PRKCE: variants seen among roughly 807,000 people sequenced by gnomAD.
PRKCE encodes the protein protein kinase C epsilon.
Under a neutral mutation model 85.4 loss-of-function variants are expected in PRKCE, and 16 were observed. The observed-to-expected ratio is 0.19, with a 90% CI of 0.13 to 0.28. PRKCE has a LOEUF of 0.28. Ranked by LOEUF, PRKCE falls within the 10% of genes least tolerant of loss-of-function variation. The pLI is 1.00. For missense variants in PRKCE, 573 were observed against 975.2 expected, an observed-to-expected ratio of 0.59 and a Z score of 5.49; for synonymous variants, 388 against 371.5, an observed-to-expected ratio of 1.04 and a Z score of -0.51.
At chr2:45,758,584 A>G (rs1026295840) in intron 1 of PRKCE, among the ~76,000 whole-genome samples, 5 of 152,192 alleles carry the variant, frequency 3.3e-5, no homozygotes, top group Non-Finnish European at 7.4e-5. Context: ...TTACCCCATC[A>G]GAGAGGCCTT....
intron 1 of PRKCE, among the ~76,000 whole-genome samples, chr2:45,808,654 C>T (rs1462469263): frequency 2.0e-5 from 3 of 151,992 alleles, no homozygotes; most frequent in Admixed American, 1.3e-4. Context: ...GGTGGGAGGG[C>T]TGTCTCTGCA....
rs201731045 is a variant in PRKCE at position 45,980,393 on chromosome 2, T to C, written c.693+12T>C. On this transcript the variant is annotated intron_variant, in intron 5 of 14. Transcript: ENST00000306156. ...AGACCCCCGACCAGGTAAGTGTTGG[T>C]GACACGGAAATTCTGGGCTTCTTCA... 2.2e-4 allele frequency: 357 copies of C among 1,599,436 alleles called. 3 individuals are homozygous for C. In the African/African-American group the frequency reaches 4.1e-3, roughly 19 times the overall value.
At chr2:45,739,117 C>T (rs371705233) in intron 1 of PRKCE, among the ~76,000 whole-genome samples, 1 of 152,200 alleles carries the variant, frequency 6.6e-6, no homozygotes, top group Non-Finnish European at 1.5e-5. Context: ...CAAATGGCCA[C>T]CAGCCTCTCC....
At chr2:45,953,721 G>A (rs900857281) in intron 2 of PRKCE, among the ~76,000 whole-genome samples, 1 of 152,092 alleles carries the variant, frequency 6.6e-6, no homozygotes. Flanking sequence ...TTTAAGAAAA[G>A]TACCAGTGCC....
At chr2:45,707,705 A>C (rs1457519052) in intron 1 of PRKCE, among the ~76,000 whole-genome samples, 1 of 152,226 alleles carries the variant, frequency 6.6e-6, no homozygotes, top group Non-Finnish European at 1.5e-5. Flanking sequence ...GTGGCTTCTC[A>C]TGTCTGTGGG....
chr2:45,829,400 G>A (rs987308124), intron 1 of PRKCE, among the ~76,000 whole-genome samples: 4 of 152,078 alleles, frequency 2.6e-5, no homozygotes, highest in Admixed American at 1.3e-4. Flanking sequence ...ATGAGTTTTG[G>A]GGTTTTTGTT....
intron 2 of PRKCE, among the ~76,000 whole-genome samples, chr2:45,878,612 G>C (rs1412484779): frequency 6.6e-6 from 1 of 152,182 alleles, no homozygotes; most frequent in African/African-American, 2.4e-5. Flanking sequence ...CTGCGTTAAA[G>C]AAGATTTTTA....
chr2:46,146,221 A>G (rs1299336794), intron 12 of PRKCE, among the ~76,000 whole-genome samples: 1 of 152,272 alleles, frequency 6.6e-6, no homozygotes, highest in African/African-American at 2.4e-5. Flanking sequence ...ATGGCCTGTC[A>G]TAGACAATCA....
chr2:46,023,089 CAAAA>C (rs397984467), intron 10 of PRKCE, among the ~76,000 whole-genome samples: 48 of 71,508 alleles, frequency 6.7e-4, no homozygotes, highest in South Asian at 3.1e-3. Context: ...GACTCCGTCT[CAAAA>C]AAAAAAAAAA....
chr2:46,014,601 A>T (rs116794723), intron 10 of PRKCE, among the ~76,000 whole-genome samples: 1,666 of 152,334 alleles, frequency 0.011, 37 homozygotes, highest in African/African-American at 0.038. Context: ...GTTTCTTGCT[A>T]TAAAAAAATT....
intron 11 of PRKCE, among the ~76,000 whole-genome samples, chr2:46,118,410 G>T (rs1020623662): frequency 6.6e-6 from 1 of 152,176 alleles, no homozygotes; most frequent in African/African-American, 2.4e-5. Flanking sequence ...TTTTCCAAAG[G>T]TTTGAAAAAG....
chr2:45,711,050 C>A (rs72884474), intron 1 of PRKCE, among the ~76,000 whole-genome samples: 3,395 of 152,330 alleles, frequency 0.022, 126 homozygotes, highest in African/African-American at 0.078. Context: ...CCCTGTCCCC[C>A]TCCCTGTGGT....
intron 1 of PRKCE, among the ~76,000 whole-genome samples, chr2:45,751,809 ATTTTTTTTTTTT>A (rs34589907): frequency 1.3e-5 from 1 of 78,506 alleles, no homozygotes; most frequent in Admixed American, 1.6e-4. Flanking sequence ...GCTAACCACT[ATTTTTTTTTTTT>A]TTTTTTTTTT....
At chr2:45,832,734 T>C (rs1241497848) in intron 1 of PRKCE, among the ~76,000 whole-genome samples, 2 of 152,158 alleles carry the variant, frequency 1.3e-5, no homozygotes, top group Non-Finnish European at 2.9e-5. Context: ...AAGGTACCTA[T>C]TGGAAGCATT....
Position 46,129,212 on chromosome 2 carries a change from G to A in PRKCE, c.1593-15881G>A, listed in dbSNP as rs56038140. Among the ~76,000 whole-genome samples the A allele has an allele frequency of 9.5e-3, 1,443 of 152,284 alleles. 22 individuals carry two copies. The highest frequency in any genetic ancestry group is 0.032 in the African/African-American group (1,343 of 41,554). On this transcript the variant is annotated intron_variant, in intron 11 of 14. Coordinates refer to ENST00000306156, the MANE Select transcript of PRKCE (RefSeq NM_005400.3). The stretch of plus-strand genomic sequence containing the variant: ...GCACTAGTAAAGGCTCATCAGCACC[G>A]TCAGTGAGCACAGGGTCTTCATGGT...
At chr2:45,729,648 C>A (rs777142294) in intron 1 of PRKCE, among the ~76,000 whole-genome samples, 5 of 152,206 alleles carry the variant, frequency 3.3e-5, no homozygotes, top group African/African-American at 4.8e-5. Context: ...ATTTTTGAAT[C>A]TGTACTAGAG....
intron 10 of PRKCE, among the ~76,000 whole-genome samples, chr2:46,021,136 T>G (rs1009576959): frequency 2.6e-5 from 4 of 152,088 alleles, no homozygotes; most frequent in African/African-American, 9.7e-5. Flanking sequence ...GCAGGAGGCA[T>G]TTGCAGGAAC....
intron 14 of PRKCE, among the ~76,000 whole-genome samples, chr2:46,174,268 G>A (rs1679203279): frequency 1.3e-5 from 2 of 152,224 alleles, no homozygotes; most frequent in African/African-American, 2.4e-5. Context: ...GGTGGGCCAA[G>A]TGGCCTCCCA....
chr2:46,000,879 G>GACTTC (rs1704624692), intron 6 of PRKCE: 1 of 152,200 alleles, frequency 6.6e-6, no homozygotes, highest in Non-Finnish European at 1.5e-5. Context: ...TTTGCCCTAG[G>GACTTC]ACTTCACTTC....
Sources: allele counts gnomAD v4.1 joint callset (sites outside exome capture counted in the v4.1 genomes callset), GRCh38; gene constraint gnomAD v4.1.1; transcripts MANE v1.5; gene names NCBI Gene and HGNC (gene_info 2026-07-23, HGNC 2026-07-21).